The following ADGRL3 variants were observed in gnomAD, a reference collection of about 807,000 sequenced individuals.
ADGRL3 encodes calcium-independent alpha-latrotoxin receptor 3.
ADGRL3 carries 62 observed loss-of-function variants against 153.5 expected under a neutral mutation model. That is an observed-to-expected ratio of 0.40 (90% CI 0.33 to 0.50). The LOEUF is 0.50. Among genes scored for constraint, ADGRL3 ranks in the 20% least tolerant of loss-of-function variants. ADGRL3 has a pLI of 0.47. For missense variants in ADGRL3, 1,641 were observed against 1,859.4 expected (o/e 0.88, Z 2.16); for synonymous variants, 710 against 672.5 (o/e 1.06, Z -0.86).
chr4:61,211,688 A>C (rs1478379830), intron 1 of ADGRL3: 1 of 152,206 alleles, frequency 6.6e-6, no homozygotes. Context: ...AAACCCAACA[A>C]AATTATGCAA....
At chr4:61,743,909 C>G (rs2096616760) in intron 8 of ADGRL3, among the ~76,000 whole-genome samples, 1 of 152,190 alleles carries the variant, frequency 6.6e-6, no homozygotes, top group South Asian at 2.1e-4. Context: ...CAGGGCGACG[C>G]ATTGCCTCAC....
chr4:61,328,827 C>T (rs910368725), intron 1 of ADGRL3, among the ~76,000 whole-genome samples: 40 of 152,196 alleles, frequency 2.6e-4, no homozygotes, highest in African/African-American at 9.4e-4. Flanking sequence ...TCTCCTACTC[C>T]TGCTCCTGCC....
At chr4:61,369,441 G>T (rs963319673) in intron 1 of ADGRL3, among the ~76,000 whole-genome samples, 5 of 151,920 alleles carry the variant, frequency 3.3e-5, no homozygotes, top group Admixed American at 6.6e-5. Context: ...TAGCATGAAG[G>T]GTTGTTGAAT....
intron 4 of ADGRL3, among the ~76,000 whole-genome samples, chr4:61,546,800 A>G (rs1477780444): frequency 2.0e-5 from 3 of 152,210 alleles, no homozygotes; most frequent in Non-Finnish European, 4.4e-5. Context: ...CACAAAAAAA[A>G]TTGAAGAAAT....
rs145531777 is a variant in ADGRL3 at position 61,789,573 on chromosome 4, G to A, written c.1400-24236G>A. ...GCTTCAATTTTCTAATTATGCTTGA[G>A]CGATTATATGCTAGTAATAGGAAAC... is the stretch of plus-strand genomic sequence containing the variant. On this transcript the variant is annotated intron_variant, in intron 8 of 26. Transcript: ENST00000683033. Among the ~76,000 whole-genome samples, 313 of 152,166 alleles carry A rather than the reference G, an allele frequency of 2.1e-3. 3 individuals are homozygous for A. Among genetic ancestry groups the A allele is most frequent in the African/African-American group, 7.2e-3 (300 of 41,522 alleles).
At position 61,383,130 on chromosome 4, in the gene ADGRL3, T is replaced by C. The variant is rs2096691183; in HGVS notation, c.-233T>C. 1.3e-5 allele frequency: 2 copies of C among 151,742 alleles called. No individual in the cohort carries two copies. Among genetic ancestry groups the C allele is most frequent in the African/African-American group, 4.8e-5 (2 of 41,422 alleles). 9.4% of individuals were successfully genotyped at this position (151,742 alleles called of 1,614,324 possible). A position where few individuals can be genotyped will look rare whatever the true frequency, so the allele number is the denominator to read the frequency against. ...TTTTTTTCTTTTTTTTCAGAAATGT[T>C]TAATTTGGTAAATTGGAGGAAAAAA... On this transcript the variant is annotated 5_prime_UTR_variant, in exon 2 of 27. Coordinates refer to ENST00000683033, the MANE Select transcript of ADGRL3 (RefSeq NM_001387552.1).
rs1421147737 is a variant in ADGRL3, at chr4:62,070,768, A to G, written c.4492A>G (p.Arg1498Gly). 1 of 1,551,682 alleles carries G rather than the reference A, an allele frequency of 6.4e-7. No individual in the cohort carries two copies. The highest frequency in any genetic ancestry group is 8.7e-7 in the Non-Finnish European group (1 of 1,146,972). ...CAAAAGCATGCCAAACCTAGGCTCC[A>G]GAAACCACGTCCATCAGCTGCATAC... ...YYKSMPNLGS[R>G]NHVHQLHTYY... is the part of the protein sequence containing the mutation. The change falls in exon 27 of 27, where the codon AGA (arginine) becomes GGA (glycine). Residue 1498 changes from arginine (R) to glycine (G), a missense_variant. Arg to Gly is a moderately radical substitution (Grantham distance 125). Coordinates refer to ENST00000683033, the MANE Select transcript of ADGRL3 (RefSeq NM_001387552.1).
chr4:61,507,959 C>T (rs953222760), intron 3 of ADGRL3, among the ~76,000 whole-genome samples: 1 of 152,036 alleles, frequency 6.6e-6, no homozygotes, highest in Admixed American at 6.6e-5. Flanking sequence ...GTTGCCATAC[C>T]ATTAAAAAAT....
chr4:61,886,891 CCTGCCT>C (rs2098542774), intron 9 of ADGRL3, among the ~76,000 whole-genome samples: 1 of 152,084 alleles, frequency 6.6e-6, no homozygotes, highest in South Asian at 2.1e-4. Flanking sequence ...AGATGATCCG[CCTGCCT>C]CAGCCTCCCA....
At chr4:61,750,632 A>G (rs552706555) in intron 8 of ADGRL3, among the ~76,000 whole-genome samples, 2 of 152,136 alleles carry the variant, frequency 1.3e-5, no homozygotes, top group South Asian at 4.1e-4. Flanking sequence ...TCTACTAAAA[A>G]TACAAAATTT....
At chr4:61,500,641 A>G (rs1207480706) in intron 3 of ADGRL3, among the ~76,000 whole-genome samples, 2 of 152,120 alleles carry the variant, frequency 1.3e-5, no homozygotes, top group Non-Finnish European at 2.9e-5. Context: ...TGCCCTCTTG[A>G]CCATTGGGAA....
chr4:61,545,682 T>C (rs984184185), intron 4 of ADGRL3, among the ~76,000 whole-genome samples: 28 of 151,956 alleles, frequency 1.8e-4, no homozygotes, highest in Admixed American at 1.1e-3. Context: ...CCCACCTAAT[T>C]TTTGTACTTT....
intron 5 of ADGRL3, among the ~76,000 whole-genome samples, chr4:61,624,102 A>C (rs1250589532): frequency 6.6e-6 from 1 of 152,182 alleles, no homozygotes. Flanking sequence ...GCTTAAGCCT[A>C]TAGATAGTAA....
chr4:61,607,181 A>G (rs1039258271), intron 5 of ADGRL3, among the ~76,000 whole-genome samples: 1 of 152,138 alleles, frequency 6.6e-6, no homozygotes, highest in African/African-American at 2.4e-5. Context: ...AGGGGTGTGG[A>G]AAACACTCCC....
chr4:61,922,378 C>T (rs1701417050), intron 13 of ADGRL3, among the ~76,000 whole-genome samples: 1 of 152,076 alleles, frequency 6.6e-6, no homozygotes, highest in African/African-American at 2.4e-5. Context: ...ATAGAAAGTT[C>T]CCATATACCT....
chr4:61,524,527 C>T (rs755999329), intron 4 of ADGRL3, among the ~76,000 whole-genome samples: 7 of 151,946 alleles, frequency 4.6e-5, no homozygotes, highest in Non-Finnish European at 7.4e-5. Context: ...TGCAAAGATG[C>T]TACTAGTATG....
intron 1 of ADGRL3, among the ~76,000 whole-genome samples, chr4:61,314,411 G>A (rs1015032523): frequency 2.6e-5 from 4 of 152,028 alleles, no homozygotes; most frequent in African/African-American, 7.3e-5. Flanking sequence ...GTTTCTCCAC[G>A]TTGTTCAGGC....
At chr4:62,045,713 C>T (rs1730774268) in intron 25 of ADGRL3, among the ~76,000 whole-genome samples, 1 of 151,846 alleles carries the variant, frequency 6.6e-6, no homozygotes, top group African/African-American at 2.4e-5. Flanking sequence ...TTATTTGGGG[C>T]AACAATATAG....
intron 4 of ADGRL3, among the ~76,000 whole-genome samples, chr4:61,534,711 T>G (rs757270312): frequency 6.6e-6 from 1 of 152,156 alleles, no homozygotes; most frequent in Admixed American, 6.5e-5. Context: ...ATATTTTAAA[T>G]GGGATTGAGT....
Sources: allele counts gnomAD v4.1 joint callset (sites outside exome capture counted in the v4.1 genomes callset), GRCh38; gene constraint gnomAD v4.1.1; transcripts MANE v1.5; gene names NCBI Gene and HGNC (gene_info 2026-07-23, HGNC 2026-07-21).